Variants in SF3A3 observed in about 807,000 individuals in gnomAD.
SF3A3 encodes the protein SAP 61.
Under a neutral mutation model 85.8 loss-of-function variants are expected in SF3A3, and 9 were observed. The ratio of observed to expected loss-of-function variants is 0.10; its 90% CI spans 0.06 to 0.18. SF3A3 has a LOEUF of 0.18. SF3A3 is among the 10% of genes least tolerant of loss of function. The probability of loss-of-function intolerance (pLI) is 1.00; values close to 1 mark genes in which losing one functional copy is unlikely to be tolerated. For synonymous variants in SF3A3, 195 were observed against 204.4 expected (o/e 0.95, Z 0.39); for missense variants, 306 against 593.3 (o/e 0.52, Z 5.03).
chr1:37,969,326 C>T, intron 14 of SF3A3, 28 bp downstream of exon 14: 1 of 1,527,038 alleles, frequency 6.5e-7, no homozygotes, highest in Middle Eastern at 2.3e-4. Context: ...ACTTCAATTC[C>T]CAGGAAAAAT....
chr1:37,977,388 A>T (rs1646385902), intron 11 of SF3A3, among the ~76,000 whole-genome samples: 1 of 152,156 alleles, frequency 6.6e-6, no homozygotes, highest in Admixed American at 6.5e-5. Context: ...TTGTTGTGAG[A>T]ATTAGAAAAA....
chr1:37,978,649 C>T (rs1646395974), intron 11 of SF3A3, 71 bp downstream of exon 11: 7 of 948,862 alleles, frequency 7.4e-6, no homozygotes, highest in Non-Finnish European at 1.1e-5. Flanking sequence ...AAAGTCTCCA[C>T]TGTGGTTAAA....
At chr1:37,976,503 C>T (rs1488923994) in intron 12 of SF3A3, among the ~76,000 whole-genome samples, 1 of 152,064 alleles carries the variant, frequency 6.6e-6, no homozygotes, top group Non-Finnish European at 1.5e-5. Flanking sequence ...ATGAAAATGC[C>T]TTTTCATAAG....
chr1:37,983,256 TAAAA>T lies in SF3A3; in HGVS notation c.468+909_468+912del, dbSNP rs71057113. ...TCCAGCCAGGAACATGGTATTTATT[TAAAA>T]AAAAAAAAAAAAAAAAAAGAATTTA... On this transcript the variant is annotated intron_variant, in intron 6 of 16. Coordinates refer to ENST00000373019, the MANE Select transcript of SF3A3 (RefSeq NM_006802.4). Among the ~76,000 whole-genome samples, 1,127 of 121,476 alleles carry T rather than the reference TAAAA, an allele frequency of 9.3e-3. 20 individuals are homozygous for T. Among genetic ancestry groups the T allele is most frequent in the African/African-American group, 0.033 (1,050 of 32,006 alleles). 79.7% of individuals were successfully genotyped at this position (121,476 alleles called of 152,430 possible).
chr1:37,980,088 G>A (rs1646406622), intron 8 of SF3A3, among the ~76,000 whole-genome samples: 1 of 150,646 alleles, frequency 6.6e-6, no homozygotes, highest in African/African-American at 2.5e-5. Context: ...CACAGTCAAA[G>A]GCAAGTGGAC....
At chr1:37,964,985 C>G (rs995143385) in intron 15 of SF3A3, among the ~76,000 whole-genome samples, 1 of 151,922 alleles carries the variant, frequency 6.6e-6, no homozygotes, top group African/African-American at 2.4e-5. Flanking sequence ...ATGGTGAAAC[C>G]CCGTCTCTAC....
At chr1:37,988,394 G>A (rs1646470023) in intron 2 of SF3A3, among the ~76,000 whole-genome samples, 1 of 152,162 alleles carries the variant, frequency 6.6e-6, no homozygotes. Flanking sequence ...CATATATTAT[G>A]TAACATCCCT....
At chr1:37,963,042 C>G (rs963852540) in intron 15 of SF3A3, among the ~76,000 whole-genome samples, 16 of 151,044 alleles carry the variant, frequency 1.1e-4, no homozygotes, top group African/African-American at 3.9e-4. Flanking sequence ...GAGTGGAGAT[C>G]GCGCCACTGC....
chr1:37,984,273 G>T lies in SF3A3; in HGVS notation c.377-13C>A, dbSNP rs1646440422. 6 of 1,455,730 alleles carry T rather than the reference G, an allele frequency of 4.1e-6. No individual in the cohort carries two copies. The East Asian group carries it at 1.1e-4, about 27-fold the overall frequency. 90.2% of individuals were successfully genotyped at this position (1,455,730 alleles called of 1,614,324 possible). On this transcript the variant is annotated splice_polypyrimidine_tract_variant and intron_variant, in intron 5 of 16. Coordinates refer to ENST00000373019, the MANE Select transcript of SF3A3 (RefSeq NM_006802.4). ...AACTCCACCAAGTCTGAGGGAATCA[G>T]ATACATCAATGATTCAGTTTCTACA... is the stretch of plus-strand genomic sequence containing the variant.
intron 15 of SF3A3, among the ~76,000 whole-genome samples, chr1:37,961,940 C>T (rs1483458226): frequency 6.6e-6 from 1 of 150,892 alleles, no homozygotes; most frequent in African/African-American, 2.4e-5. Context: ...ACAAAATTAG[C>T]CAGGTGTGGT....
rs35993262 is a variant in SF3A3 at position 37,975,515 on chromosome 1, CA to C, written c.1005+1368del. On this transcript the variant is annotated intron_variant, in intron 12 of 16. Coordinates refer to ENST00000373019, the MANE Select transcript of SF3A3 (RefSeq NM_006802.4). ...TGGGTGACAGAGTGAGATACTATTT[CA>C]AAAAAAAAAAAGAGGGAGAAAGTGG... Among the ~76,000 whole-genome samples the C allele has an allele frequency of 6.0e-4, 87 of 145,254 alleles. 1 individual carries two copies. The highest frequency in any genetic ancestry group is 8.6e-4 in the South Asian group (4 of 4,648).
chr1:37,969,144 C>T (rs923256853), intron 14 of SF3A3, among the ~76,000 whole-genome samples: 6 of 152,076 alleles, frequency 3.9e-5, no homozygotes, highest in African/African-American at 7.2e-5. Flanking sequence ...AAGAGTGGTG[C>T]GGTAGAATTC....
At position 37,978,832 on chromosome 1, in the gene SF3A3, G is replaced by A; in HGVS notation, c.828-5C>T. The A allele has an allele frequency of 2.5e-6, 4 of 1,574,428 alleles. No individual in the cohort carries two copies. Among genetic ancestry groups the A allele is most frequent in the South Asian group, 1.1e-5 (1 of 87,008 alleles). On this transcript the variant is annotated splice_region_variant and splice_polypyrimidine_tract_variant and intron_variant, in intron 10 of 16. Coordinates refer to ENST00000373019, the MANE Select transcript of SF3A3 (RefSeq NM_006802.4). ...TGGGCTCGCTCTTCTAGGGTCCTAAGGAGACAGGACGGCAAAGGATTTTAG... is the reference window on the plus strand; with the variant it reads ...TGGGCTCGCTCTTCTAGGGTCCTAAAGAGACAGGACGGCAAAGGATTTTAG...
rs11394683 is a variant in SF3A3, at chr1:37,966,935, C to CAAAAA, written c.1372+1104_1372+1108dup. Among the ~76,000 whole-genome samples, 74 of 14,176 alleles carry CAAAAA rather than the reference C, an allele frequency of 5.2e-3. 1 individual carries two copies. The highest frequency in any genetic ancestry group is 0.015 in the African/African-American group (22 of 1,462). The allele number at this position is 14,176 out of a possible 152,430, so 9.3% of individuals were successfully genotyped here. A position where few individuals can be genotyped will look rare whatever the true frequency, so the allele number is the denominator to read the frequency against. On this transcript the variant is annotated intron_variant, in intron 15 of 16. Transcript: ENST00000373019. ...GGGCAATATGAGCGAAACTCCATCT[C>CAAAAA]AAAAAAAAAAAAAAAAAAAAAAAAA...
chr1:37,960,397 A>G (rs1557745623), intron 15 of SF3A3: 1 of 501,238 alleles, frequency 2.0e-6, no homozygotes, highest in Admixed American at 3.2e-5. Context: ...AAGTTGGATC[A>G]AATATAACCA....
intron 12 of SF3A3, among the ~76,000 whole-genome samples, chr1:37,974,504 G>A (rs1326996531): frequency 2.6e-5 from 4 of 151,974 alleles, no homozygotes; most frequent in Admixed American, 6.6e-5. Flanking sequence ...GGGTTTCACA[G>A]TGTTAGCCAG....
At chr1:37,961,160 G>C (rs1014959128) in intron 15 of SF3A3, among the ~76,000 whole-genome samples, 5 of 152,192 alleles carry the variant, frequency 3.3e-5, no homozygotes, top group Non-Finnish European at 7.3e-5. Flanking sequence ...AAATATCACA[G>C]AGAGACAGTT....
At chr1:37,987,038 T>C (rs1646462311) in intron 4 of SF3A3, among the ~76,000 whole-genome samples, 1 of 152,104 alleles carries the variant, frequency 6.6e-6, no homozygotes, top group East Asian at 1.9e-4. Context: ...GTACCCATAC[T>C]GTGCTCAGTC....
intron 12 of SF3A3, among the ~76,000 whole-genome samples, chr1:37,974,549 G>A (rs914908803): frequency 1.6e-4 from 25 of 151,966 alleles, no homozygotes; most frequent in African/African-American, 5.1e-4. Context: ...TGATCTGCCC[G>A]CCTTGGCCTC....
Sources: allele counts gnomAD v4.1 joint callset (sites outside exome capture counted in the v4.1 genomes callset), GRCh38; gene constraint gnomAD v4.1.1; transcripts MANE v1.5; gene names NCBI Gene and HGNC (gene_info 2026-07-23, HGNC 2026-07-21).